Variants in NAALADL2 observed in about 807,000 individuals in gnomAD.
NAALADL2 encodes the protein inactive N-acetylated-alpha-linked acidic dipeptidase-like protein 2.
A neutral mutation model predicts 87.2 loss-of-function variants in NAALADL2; 76 were observed. That is an observed-to-expected ratio of 0.87 (90% CI 0.72 to 1.05). The LOEUF is 1.05. NAALADL2 is among the 50% of genes least tolerant of loss of function. NAALADL2 has a pLI of 0.00. For missense variants in NAALADL2, 1,089 were observed against 945.8 expected (o/e 1.15, Z -1.99); for synonymous variants, 354 against 331.0 (o/e 1.07, Z -0.75).
chr3:174,508,236 C>G (rs1719352762), intron 1 of NAALADL2, among the ~76,000 whole-genome samples: 1 of 150,944 alleles, frequency 6.6e-6, no homozygotes, highest in Non-Finnish European at 1.5e-5. Flanking sequence ...GCCTCAGCCT[C>G]CCGAGTAGCT....
chr3:175,029,642 T>G (rs1028354628), intron 1 of NAALADL2, among the ~76,000 whole-genome samples: 4 of 152,170 alleles, frequency 2.6e-5, no homozygotes, highest in African/African-American at 9.6e-5. Flanking sequence ...AATTTGTACT[T>G]TAATATGATT....
chr3:174,508,785 C>G (rs985118441), intron 1 of NAALADL2, among the ~76,000 whole-genome samples: 1 of 152,132 alleles, frequency 6.6e-6, no homozygotes, highest in Non-Finnish European at 1.5e-5. Context: ...CAGTGGCTCA[C>G]GCCTGTAATC....
At chr3:175,394,002 A>T (rs1263784255) in intron 5 of NAALADL2, among the ~76,000 whole-genome samples, 1 of 152,054 alleles carries the variant, frequency 6.6e-6, no homozygotes, top group Admixed American at 6.6e-5. Context: ...TCTCATATAC[A>T]CTGTACCTTA....
intron 1 of NAALADL2, among the ~76,000 whole-genome samples, chr3:174,483,355 G>A (rs948463534): frequency 6.6e-6 from 1 of 151,970 alleles, no homozygotes; most frequent in Non-Finnish European, 1.5e-5. Context: ...AAGGAGAAGT[G>A]CTGAGTGAAG....
At chr3:175,590,828 A>G (rs1721340348) in intron 10 of NAALADL2, among the ~76,000 whole-genome samples, 1 of 152,190 alleles carries the variant, frequency 6.6e-6, no homozygotes, top group African/African-American at 2.4e-5. Flanking sequence ...GTGTGCATAA[A>G]TCAGGGTTTA....
chr3:175,638,091 G>C (rs16826078), intron 11 of NAALADL2, among the ~76,000 whole-genome samples: 40,499 of 152,022 alleles, frequency 0.27, 6,223 homozygotes, highest in African/African-American at 0.43. Flanking sequence ...TTGTAAAATA[G>C]ATGAATGAAC....
chr3:175,362,925 G>C (rs890272559), intron 5 of NAALADL2, among the ~76,000 whole-genome samples: 4 of 147,766 alleles, frequency 2.7e-5, no homozygotes, highest in African/African-American at 9.8e-5. Flanking sequence ...TCATTTCCCT[G>C]ATCATTAGTG....
At chr3:175,694,129 T>C (rs1220784577) in intron 11 of NAALADL2, among the ~76,000 whole-genome samples, 1 of 152,208 alleles carries the variant, frequency 6.6e-6, no homozygotes, top group Non-Finnish European at 1.5e-5. Flanking sequence ...TTTTATGGCA[T>C]CAGCTATTGT....
intron 2 of NAALADL2, among the ~76,000 whole-genome samples, chr3:175,174,271 C>T (rs997695087): frequency 6.6e-6 from 1 of 152,120 alleles, no homozygotes; most frequent in African/African-American, 2.4e-5. Context: ...TCAACCAGCT[C>T]TTGTTCTCAT....
intron 3 of NAALADL2, among the ~76,000 whole-genome samples, chr3:174,832,895 G>T (rs1722894582): frequency 6.6e-6 from 1 of 152,136 alleles, no homozygotes; most frequent in Non-Finnish European, 1.5e-5. Flanking sequence ...CAACAAAAAA[G>T]ATGTCGTCGT....
At position 174,776,483 on chromosome 3, in the gene NAALADL2, A is replaced by G. The variant is rs146065168; in HGVS notation, c.-9+38737A>G. ...AATCTTATGAATAACATTGAGCCATATACTCTATCGAGTCCCTGGGTGGTG... is the reference window on the plus strand; with the variant it reads ...AATCTTATGAATAACATTGAGCCATGTACTCTATCGAGTCCCTGGGTGGTG... On this transcript the variant is annotated intron_variant, in intron 3 of 3. Transcript: ENST00000434257. Among the ~76,000 whole-genome samples, 987 of 152,228 alleles carry G rather than the reference A, an allele frequency of 6.5e-3. 9 individuals are homozygous for G. The highest frequency in any genetic ancestry group is 0.027 in the Middle Eastern group (8 of 294).
At chr3:175,047,718 C>A (rs9852044) in intron 1 of NAALADL2, among the ~76,000 whole-genome samples, 39,003 of 151,932 alleles carry the variant, frequency 0.26, 5,188 homozygotes, top group East Asian at 0.38. Context: ...TAAACTGAGA[C>A]TAGATCAAAG....
chr3:174,854,658 C>T (rs984461200), upstream of NAALADL2, among the ~76,000 whole-genome samples: 4 of 151,372 alleles, frequency 2.6e-5, no homozygotes, highest in Non-Finnish European at 5.9e-5. Context: ...ATAGGTACAA[C>T]CATTATGTAT....
chr3:175,388,812 TA>T (rs1768735081), intron 5 of NAALADL2, among the ~76,000 whole-genome samples: 1 of 152,130 alleles, frequency 6.6e-6, no homozygotes, highest in African/African-American at 2.4e-5. Context: ...ACTCCACCTC[TA>T]ACTGTCAGAA....
chr3:175,252,972 A>T (rs145819853), intron 3 of NAALADL2, among the ~76,000 whole-genome samples: 4 of 152,350 alleles, frequency 2.6e-5, no homozygotes, highest in African/African-American at 9.6e-5. Context: ...TTAAGAAAAG[A>T]AGCTATCTCC....
intron 11 of NAALADL2, among the ~76,000 whole-genome samples, chr3:175,655,128 G>A (rs1731279084): frequency 6.6e-6 from 1 of 151,990 alleles, no homozygotes; most frequent in African/African-American, 2.4e-5. Context: ...CTTTGCATTT[G>A]TTAACATTTA....
chr3:175,378,797 G>A (rs1767454823), intron 5 of NAALADL2, among the ~76,000 whole-genome samples: 1 of 152,100 alleles, frequency 6.6e-6, no homozygotes, highest in African/African-American at 2.4e-5. Context: ...TAGTGTCCCG[G>A]TTTCTAATTG....
At chr3:174,865,452 G>T (rs1000904163) in intron 1 of NAALADL2, among the ~76,000 whole-genome samples, 2 of 151,822 alleles carry the variant, frequency 1.3e-5, no homozygotes, top group African/African-American at 4.8e-5. Context: ...TTTGAAAACA[G>T]GTCATGAGAA....
chr3:175,023,122 C>CTAAA (rs566531338), intron 1 of NAALADL2, among the ~76,000 whole-genome samples: 3 of 151,844 alleles, frequency 2.0e-5, no homozygotes, highest in Admixed American at 6.6e-5. Flanking sequence ...TTTTCAAGGT[C>CTAAA]TAAATAAATA....
Sources: gnomAD v4.1 joint callset for allele counts (sites outside exome capture counted in the v4.1 genomes callset) on GRCh38, gnomAD v4.1.1 for gene constraint, MANE v1.5 for transcripts, NCBI Gene and HGNC (gene_info 2026-07-23, HGNC 2026-07-21) for gene names.